The following CAPN9 variants were observed in gnomAD, a reference collection of about 807,000 sequenced individuals.
CAPN9 encodes the protein calpain 9.
A neutral mutation model predicts 92.8 loss-of-function variants in CAPN9; 81 were observed. The observed-to-expected ratio is 0.87, with a 90% confidence interval of 0.73 to 1.05. The LOEUF is 1.05. CAPN9 is among the 50% of genes least tolerant of loss of function. The pLI is 0.00. For synonymous variants in CAPN9, 304 were observed against 328.0 expected, an observed-to-expected ratio of 0.93 and a Z score of 0.79; for missense variants, 848 against 866.2, an observed-to-expected ratio of 0.98 and a Z score of 0.26.
chr1:230,751,368 C>T (rs983801451), intron 1 of CAPN9, among the ~76,000 whole-genome samples: 3 of 151,156 alleles, frequency 2.0e-5, no homozygotes, highest in African/African-American at 7.3e-5. Context: ...GGAAATGTGG[C>T]TTTTCTTCAC....
At chr1:230,776,956 T>C (rs1332384695) in intron 8 of CAPN9, 1 of 152,186 alleles carries the variant, frequency 6.6e-6, no homozygotes, top group African/African-American at 2.4e-5. Flanking sequence ...CCCAGATTTG[T>C]GGAACACATG....
At chr1:230,751,123 C>T (rs938684744) in intron 1 of CAPN9, among the ~76,000 whole-genome samples, 3 of 152,216 alleles carry the variant, frequency 2.0e-5, no homozygotes, top group African/African-American at 7.2e-5. Context: ...GCCCACACCC[C>T]TCTAGCCCAT....
At chr1:230,778,901 T>A (rs1305469314) in intron 8 of CAPN9, 72 bp from the exon 9 acceptor site, 15 of 1,305,696 alleles carry the variant, frequency 1.1e-5, no homozygotes, top group Non-Finnish European at 1.5e-5. Context: ...GTGAATGATT[T>A]AATGAATGAG....
chr1:230,756,786 T>A (rs1172939133), intron 2 of CAPN9, among the ~76,000 whole-genome samples: 1 of 151,900 alleles, frequency 6.6e-6, no homozygotes. Context: ...AAATTAAAAT[T>A]GAAAAATTAG....
At chr1:230,795,408 T>A in intron 18 of CAPN9, 129 bp downstream of exon 18, 3 of 636,620 alleles carry the variant, frequency 4.7e-6, no homozygotes, top group Non-Finnish European at 5.7e-6. Flanking sequence ...GTCTGATGTG[T>A]GTGGACCCAT....
intron 19 of CAPN9, among the ~76,000 whole-genome samples, chr1:230,800,251 A>T (rs985841989): frequency 8.7e-6 from 1 of 114,948 alleles, no homozygotes; most frequent in Admixed American, 9.2e-5. Flanking sequence ...AGAAAGAAAG[A>T]AAGAAAGAAA....
In CAPN9 at chr1:230,780,599, C is replaced by T. The variant is rs28359688; in HGVS notation, c.1372C>T (p.Arg458Trp). 1.2e-4 allele frequency: 187 copies of T among 1,614,132 alleles called. No homozygotes were observed. The highest frequency in any genetic ancestry group is 6.3e-4 in the African/African-American group (47 of 75,040). Residue 458 changes from arginine (R) to tryptophan (W), a missense_variant, in exon 11 of 20, where the codon CGG becomes TGG. Transcript: ENST00000271971. ...TFINLREVSD[R>W]FKLPPGEYIL... The stretch of plus-strand genomic sequence containing the variant: ...CATCAACCTGAGAGAAGTCTCCGAC[C>T]GGTTCAAGCTGCCCCCTGGGGAGTA...
At position 230,778,972 on chromosome 1, in the gene CAPN9, G is replaced by T. The variant is rs759137023; in HGVS notation, c.954-1G>T. On this transcript the variant is annotated splice_acceptor_variant, in intron 8 of 19. Coordinates refer to ENST00000271971, the MANE Select transcript of CAPN9 (RefSeq NM_006615.3). LOFTEE classifies it high-confidence loss of function. ...CATCGTGTCTCTCCGCTTTGCTGCAGGATGGCATTTAAGGACTTCAAGGCC... is the reference window on the plus strand; with the variant it reads ...CATCGTGTCTCTCCGCTTTGCTGCATGATGGCATTTAAGGACTTCAAGGCC... 7 of 1,613,248 alleles carry T rather than the reference G, an allele frequency of 4.3e-6. 1 individual carries two copies. In the South Asian group the frequency reaches 6.6e-5, roughly 15 times the overall value.
At chr1:230,792,798 C>T (rs762112074) in intron 16 of CAPN9, 52 bp from the exon 17 acceptor site, 11 of 1,481,124 alleles carry the variant, frequency 7.4e-6, no homozygotes, top group South Asian at 4.6e-5. Flanking sequence ...CTGCCATCAG[C>T]GATGCCTTTC....
chr1:230,762,377 A>G (rs545186428), intron 3 of CAPN9, among the ~76,000 whole-genome samples: 1 of 152,262 alleles, frequency 6.6e-6, no homozygotes, highest in Admixed American at 6.5e-5. Flanking sequence ...TCTACTTGTG[A>G]GTCCTGTCCT....
intron 19 of CAPN9, among the ~76,000 whole-genome samples, chr1:230,800,142 C>T (rs1408383471): frequency 6.6e-6 from 1 of 151,066 alleles, no homozygotes; most frequent in African/African-American, 2.4e-5. Context: ...TGTGCCACTG[C>T]ACTCCAGCCT....
chr1:230,790,709 G>A (rs1223347498), intron 14 of CAPN9, among the ~76,000 whole-genome samples: 1 of 152,234 alleles, frequency 6.6e-6, no homozygotes, highest in Non-Finnish European at 1.5e-5. Context: ...GGGAGGCCGA[G>A]ACAGGCGGAT....
chr1:230,780,083 T>TGC (rs1385572281), intron 9 of CAPN9, 96 bp from the exon 10 acceptor site: 6 of 13,612 alleles, frequency 4.4e-4, no homozygotes, highest in African/African-American at 1.1e-3. Context: ...TGTATGTGCG[T>TGC]GTGTGTGTGT....
intron 12 of CAPN9, 55 bp from the exon 13 acceptor site, chr1:230,787,467 G>A (rs1667683350): frequency 3.3e-6 from 5 of 1,499,376 alleles, no homozygotes; most frequent in African/African-American, 2.8e-5. Flanking sequence ...TGCTATTTTT[G>A]TCATGTTTCT....
chr1:230,788,571 T>C (rs149430176), intron 13 of CAPN9, among the ~76,000 whole-genome samples: 1 of 152,310 alleles, frequency 6.6e-6, no homozygotes, highest in East Asian at 1.9e-4. Flanking sequence ...GGAGGGGTGA[T>C]ATCTAAACCT....
intron 3 of CAPN9, 85 bp downstream of exon 3, chr1:230,759,715 T>C (rs1403603545): frequency 9.7e-6 from 8 of 821,376 alleles, no homozygotes; most frequent in African/African-American, 1.7e-5. Context: ...CTGGTAACCC[T>C]AGAAAAAAAT....
chr1:230,765,425 G>T (rs182013996), intron 4 of CAPN9, among the ~76,000 whole-genome samples: 1 of 152,132 alleles, frequency 6.6e-6, no homozygotes, highest in Non-Finnish European at 1.5e-5. Flanking sequence ...TTGGGAGGCC[G>T]AAGTAGGTGG....
At chr1:230,762,320 CAACTTTCTTGTGAAGAAGAAA>C (rs1292395104) in intron 3 of CAPN9, among the ~76,000 whole-genome samples, 1 of 152,222 alleles carries the variant, frequency 6.6e-6, no homozygotes, top group Non-Finnish European at 1.5e-5. Flanking sequence ...CCCACAAAAA[CAACTTTCTTGTGAAGAAGAAA>C]AACTAATTCA....
intron 2 of CAPN9, among the ~76,000 whole-genome samples, chr1:230,757,728 A>AAAG (rs983121207): frequency 2.6e-5 from 4 of 151,392 alleles, no homozygotes; most frequent in African/African-American, 9.7e-5. Flanking sequence ...TCAAAAAAAA[A>AAAG]AAAAAAACTA....
Sources: gnomAD v4.1 joint callset for allele counts (sites outside exome capture counted in the v4.1 genomes callset) on GRCh38, gnomAD v4.1.1 for gene constraint, MANE v1.5 for transcripts, NCBI Gene and HGNC (gene_info 2026-07-23, HGNC 2026-07-21) for gene names.